MAGI2: variants seen among roughly 807,000 people sequenced by gnomAD.
MAGI2 encodes membrane associated guanylate kinase, WW and PDZ domain containing 2.
Under a neutral mutation model 133.3 loss-of-function variants are expected in MAGI2, and 35 were observed. That is an observed-to-expected ratio of 0.26 (90% CI 0.20 to 0.35). The LOEUF is 0.35. Among genes scored for constraint, MAGI2 ranks in the 10% least tolerant of loss-of-function variants. The pLI is 1.00. For missense variants in MAGI2, 1,636 were observed against 1,863.4 expected (o/e 0.88, Z 2.25); for synonymous variants, 729 against 710.6 (o/e 1.03, Z -0.41).
chr7:78,618,116 A>G (rs1807306604), intron 3 of MAGI2: 1 of 152,108 alleles, frequency 6.6e-6, no homozygotes, highest in Non-Finnish European at 1.5e-5. Flanking sequence ...GGCACCATTG[A>G]GAAAGACTAG....
chr7:78,545,909 G>A (rs1798792655), intron 3 of MAGI2, among the ~76,000 whole-genome samples: 1 of 152,116 alleles, frequency 6.6e-6, no homozygotes, highest in Non-Finnish European at 1.5e-5. Flanking sequence ...AAATCAATTT[G>A]CCTGAAGTTC....
intron 21 of MAGI2, among the ~76,000 whole-genome samples, chr7:78,048,815 GA>G (rs1361861732): frequency 2.0e-5 from 3 of 152,154 alleles, no homozygotes; most frequent in African/African-American, 7.2e-5. Context: ...ATAATTTTAA[GA>G]AATGACTTCT....
chr7:79,423,390 T>C (rs1425595228), intron 1 of MAGI2, among the ~76,000 whole-genome samples: 1 of 151,772 alleles, frequency 6.6e-6, no homozygotes. Context: ...TCTCTTTTCA[T>C]TTAATATTAA....
intron 1 of MAGI2, among the ~76,000 whole-genome samples, chr7:79,312,673 A>G (rs144612326): frequency 1.9e-4 from 29 of 152,242 alleles, no homozygotes; most frequent in African/African-American, 6.3e-4. Context: ...TGTCTCACTT[A>G]TTAACTACTG....
chr7:78,456,631 A>G (rs900504525), intron 6 of MAGI2, among the ~76,000 whole-genome samples: 12 of 152,188 alleles, frequency 7.9e-5, no homozygotes, highest in Admixed American at 7.2e-4. Flanking sequence ...TTATTCCGGT[A>G]TAATACAATA....
chr7:79,160,769 A>G (rs956700633), intron 1 of MAGI2, among the ~76,000 whole-genome samples: 14 of 152,050 alleles, frequency 9.2e-5, no homozygotes, highest in African/African-American at 3.4e-4. Context: ...GAAGCAGTTA[A>G]TATGCTTCAT....
At chr7:79,136,036 AGAAAGAAAGAAG>A (rs1562929006) in intron 1 of MAGI2, among the ~76,000 whole-genome samples, 11 of 137,112 alleles carry the variant, frequency 8.0e-5, no homozygotes, top group East Asian at 4.1e-4. Context: ...AAGGAAAGAA[AGAAAGAAAGAAG>A]GAAAGAAAGA....
chr7:78,250,358 C>G (rs1172717340), intron 10 of MAGI2, among the ~76,000 whole-genome samples: 2 of 151,948 alleles, frequency 1.3e-5, no homozygotes, highest in African/African-American at 4.8e-5. Context: ...AAAAGGGAAA[C>G]ACAACATAGT....
At chr7:79,345,505 T>G (rs370166401) in intron 1 of MAGI2, among the ~76,000 whole-genome samples, 1 of 152,074 alleles carries the variant, frequency 6.6e-6, no homozygotes, top group African/African-American at 2.4e-5. Flanking sequence ...TACTAATGCA[T>G]GTATGAACAC....
chr7:78,932,577 A>G (rs563556637), intron 2 of MAGI2, among the ~76,000 whole-genome samples: 201 of 152,274 alleles, frequency 1.3e-3, no homozygotes, highest in South Asian at 2.5e-3. Context: ...AGTGGATCTT[A>G]GTGTCACAGT....
chr7:79,200,309 C>T (rs1828478678), intron 1 of MAGI2, among the ~76,000 whole-genome samples: 1 of 151,836 alleles, frequency 6.6e-6, no homozygotes, highest in Admixed American at 6.6e-5. Context: ...ACCATGTTGC[C>T]TTACAACTGT....
chr7:78,116,840 T>C (rs1819914330), intron 20 of MAGI2, among the ~76,000 whole-genome samples: 2 of 151,840 alleles, frequency 1.3e-5, no homozygotes, highest in South Asian at 4.2e-4. Context: ...TTTGTACCAC[T>C]GCACTCCAGC....
chr7:78,617,926 T>C (rs1807284514), intron 3 of MAGI2: 2 of 152,034 alleles, frequency 1.3e-5, no homozygotes, highest in South Asian at 2.1e-4. Flanking sequence ...TAGATTTTAC[T>C]CTCCTTTGTC....
intron 21 of MAGI2, among the ~76,000 whole-genome samples, chr7:78,048,205 A>G (rs1362911770): frequency 6.6e-6 from 1 of 152,242 alleles, no homozygotes. Flanking sequence ...AATGGACATT[A>G]TGATGTCCTC....
Position 79,065,543 on chromosome 7 carries a change from A to G in MAGI2, c.302-58337T>C, listed in dbSNP as rs985663981. ...TATGGTTAATTGAAACTATTCTCAT[A>G]TATAATACCAAAAAAGCAATTTTTC... is the stretch of plus-strand genomic sequence containing the variant. On this transcript the variant is annotated intron_variant, in intron 1 of 21. Transcript: ENST00000354212. Among the ~76,000 whole-genome samples the G allele has an allele frequency of 9.2e-5, 14 of 152,010 alleles. No homozygotes were observed. The East Asian group carries it at 9.6e-4, about 10-fold the overall frequency.
intron 9 of MAGI2, among the ~76,000 whole-genome samples, chr7:78,264,518 G>C (rs1793813632): frequency 6.6e-6 from 1 of 152,106 alleles, no homozygotes; most frequent in Admixed American, 6.6e-5. Flanking sequence ...TTGCAAACAG[G>C]GGAATCGGGG....
chr7:78,637,684 CTG>C (rs1287897699), intron 2 of MAGI2, among the ~76,000 whole-genome samples: 1 of 138,730 alleles, frequency 7.2e-6, no homozygotes, highest in Non-Finnish European at 1.7e-5. Context: ...ATAAAGCTCT[CTG>C]TTATAACAAA....
intron 21 of MAGI2, among the ~76,000 whole-genome samples, chr7:78,067,019 G>A (rs906004071): frequency 6.6e-6 from 1 of 152,164 alleles, no homozygotes; most frequent in African/African-American, 2.4e-5. Context: ...TTCATAGCAC[G>A]GTGTGTTTGA....
intron 10 of MAGI2, among the ~76,000 whole-genome samples, chr7:78,219,557 G>C (rs181390828): frequency 6.6e-6 from 1 of 152,040 alleles, no homozygotes; most frequent in East Asian, 1.9e-4. Flanking sequence ...AATCAGCCTT[G>C]TCCTTCCCCC....
Sources: gnomAD v4.1 joint callset for allele counts (sites outside exome capture counted in the v4.1 genomes callset) on GRCh38, gnomAD v4.1.1 for gene constraint, MANE v1.5 for transcripts, NCBI Gene and HGNC (gene_info 2026-07-23, HGNC 2026-07-21) for gene names.